Variants in AFF1 observed in about 807,000 individuals in gnomAD.
The protein encoded by AFF1 is AF4/FMR2 family member 1.
AFF1 carries 48 observed loss-of-function variants against 121.7 expected under a neutral mutation model. The observed-to-expected ratio is 0.39, with a 90% confidence interval of 0.31 to 0.50. The LOEUF is 0.50. Ranked by LOEUF, AFF1 falls within the 20% of genes least tolerant of loss-of-function variation. AFF1 has a pLI of 0.76. For missense variants in AFF1, 1,523 were observed against 1,511.7 expected, an observed-to-expected ratio of 1.01 and a Z score of -0.12; for synonymous variants, 613 against 563.0, an observed-to-expected ratio of 1.09 and a Z score of -1.26.
intron 8 of AFF1, among the ~76,000 whole-genome samples, chr4:87,096,687 A>G (rs1363986487): frequency 1.3e-5 from 2 of 152,102 alleles, no homozygotes; most frequent in Non-Finnish European, 2.9e-5. Context: ...AGCTAGGACT[A>G]CAGGCACAGG....
chr4:86,950,232 G>A (rs1721209943), intron 2 of AFF1: 1 of 950,066 alleles, frequency 1.1e-6, no homozygotes, highest in Non-Finnish European at 1.7e-6. Flanking sequence ...CGGCTGGAGT[G>A]CAGTGCCATG....
At chr4:86,955,251 A>C (rs1560499618) in intron 2 of AFF1, among the ~76,000 whole-genome samples, 1 of 152,202 alleles carries the variant, frequency 6.6e-6, no homozygotes, top group African/African-American at 2.4e-5. Context: ...CTAGGATTTT[A>C]TTTCTCCTCC....
intron 2 of AFF1, among the ~76,000 whole-genome samples, chr4:86,985,776 T>G (rs1387214245): frequency 6.6e-6 from 1 of 151,962 alleles, no homozygotes; most frequent in African/African-American, 2.4e-5. Context: ...AAAAAAATAA[T>G]AATAAAAGAA....
At chr4:87,041,666 GA>G (rs199904556) in intron 2 of AFF1, among the ~76,000 whole-genome samples, 9,789 of 144,920 alleles carry the variant, frequency 0.068, 663 homozygotes, top group African/African-American at 0.17. Flanking sequence ...CACAGGACTG[GA>G]AAAAAAAAAA....
At chr4:87,062,998 G>T (rs541504983) in intron 4 of AFF1, among the ~76,000 whole-genome samples, 5 of 152,212 alleles carry the variant, frequency 3.3e-5, no homozygotes, top group Admixed American at 1.3e-4. Context: ...TCTCGAGGCC[G>T]TTATAAGACA....
chr4:87,093,163 A>G (rs112606817), intron 7 of AFF1, among the ~76,000 whole-genome samples: 6 of 152,354 alleles, frequency 3.9e-5, no homozygotes, highest in Admixed American at 2.0e-4. Flanking sequence ...CTCTTGCCCT[A>G]TGCAGTAATG....
chr4:87,121,208 G>A (rs778490575), intron 12 of AFF1, among the ~76,000 whole-genome samples: 1 of 152,230 alleles, frequency 6.6e-6, no homozygotes, highest in South Asian at 2.1e-4. Context: ...AAGTGGGGAT[G>A]ACCTGGGGAT....
intron 4 of AFF1, among the ~76,000 whole-genome samples, chr4:87,083,044 A>G (rs1417522208): frequency 6.6e-6 from 1 of 152,228 alleles, no homozygotes; most frequent in Non-Finnish European, 1.5e-5. Context: ...TACTGTGCCC[A>G]TGATGCCTGG....
chr4:87,048,991 C>G (rs767757897), intron 4 of AFF1, among the ~76,000 whole-genome samples: 1 of 150,754 alleles, frequency 6.6e-6, no homozygotes, highest in Non-Finnish European at 1.5e-5. Flanking sequence ...AACAGTCACT[C>G]CCCCTGCCTT....
At chr4:86,981,044 G>C (rs933896618) in intron 2 of AFF1, among the ~76,000 whole-genome samples, 16 of 151,084 alleles carry the variant, frequency 1.1e-4, no homozygotes, top group Middle Eastern at 3.4e-3. Context: ...ACGGGGTCTC[G>C]CTCTGTCGCC....
intron 2 of AFF1, among the ~76,000 whole-genome samples, chr4:86,989,251 G>A (rs1280612258): frequency 1.3e-5 from 2 of 152,130 alleles, no homozygotes; most frequent in Admixed American, 6.6e-5. Context: ...TGAACAGGCA[G>A]TCTGCAGAAT....
At chr4:86,995,928 C>T (rs374024960) in intron 2 of AFF1, among the ~76,000 whole-genome samples, 5,702 of 151,386 alleles carry the variant, frequency 0.038, 149 homozygotes, top group African/African-American at 0.089. Context: ...CCTGCCGCCC[C>T]GTCCGGGATG....
chr4:87,021,657 A>G (rs1270938346), intron 2 of AFF1, among the ~76,000 whole-genome samples: 4 of 152,238 alleles, frequency 2.6e-5, no homozygotes, highest in African/African-American at 7.2e-5. Context: ...TTGTAAGTTA[A>G]TTGTAATTAA....
chr4:86,982,323 T>A (rs1311335500), intron 2 of AFF1, among the ~76,000 whole-genome samples: 1 of 151,584 alleles, frequency 6.6e-6, no homozygotes, highest in Non-Finnish European at 1.5e-5. Context: ...AGAAAAGATG[T>A]TCACATTGTG....
At chr4:87,114,296 G>T in intron 11 of AFF1, 71 bp from the exon 12 acceptor site, 1 of 1,365,980 alleles carries the variant, frequency 7.3e-7, no homozygotes, top group Non-Finnish European at 9.9e-7. Flanking sequence ...TGTATAATTG[G>T]GTGACTAACA....
At chr4:87,090,560 C>CT (rs992336026) in intron 6 of AFF1, among the ~76,000 whole-genome samples, 1 of 151,904 alleles carries the variant, frequency 6.6e-6, no homozygotes, top group Admixed American at 6.6e-5. Flanking sequence ...TGCCATTCTC[C>CT]TTTTTTTTAA....
rs1276662255 is a variant in AFF1, at chr4:86,935,034, C to T, written c.-243C>T. 6.6e-6 allele frequency: 1 copy of T among 151,872 alleles called. No homozygotes were observed. Among genetic ancestry groups the T allele is most frequent in the Non-Finnish European group, 1.5e-5 (1 of 67,930 alleles). The allele number at this position is 151,872 out of a possible 1,614,324, so 9.4% of individuals were successfully genotyped here. On this transcript the variant is annotated 5_prime_UTR_variant, in exon 1 of 21. Transcript: ENST00000395146. ...CCAGCCAGCTAGCGAGCGACGGGCG[C>T]GCGCGGCCCCTGCGCACTCGGCCGC...
At chr4:86,996,374 G>A (rs201068790) in intron 2 of AFF1, among the ~76,000 whole-genome samples, 3 of 151,172 alleles carry the variant, frequency 2.0e-5, no homozygotes, top group Non-Finnish European at 4.4e-5. Context: ...ATTTTGTTCT[G>A]TACTAAGAAA....
rs144461444 is a variant in AFF1, at chr4:87,046,964, G to C, written c.429G>C (p.Ala143=). The C allele has an allele frequency of 2.5e-6, 4 of 1,614,178 alleles. No homozygotes were observed. Among genetic ancestry groups the C allele is most frequent in the African/African-American group, 2.7e-5 (2 of 75,040 alleles). Residue 143 remains alanine (A), a synonymous_variant, in exon 4 of 21, where the codon GCG becomes GCC. Coordinates refer to ENST00000395146, the MANE Select transcript of AFF1 (RefSeq NM_001166693.3). ...ACATTAGCCACAATCCAAAGATGGC[G>C]CAGCCAAGAACTGAACCAATGCCAA... is the stretch of plus-strand genomic sequence containing the variant. The part of the protein sequence containing the change: ...VGNISHNPKM[A]QPRTEPMPSL...
Sources: gnomAD v4.1 joint callset for allele counts (sites outside exome capture counted in the v4.1 genomes callset) on GRCh38, gnomAD v4.1.1 for gene constraint, MANE v1.5 for transcripts, NCBI Gene and HGNC (gene_info 2026-07-23, HGNC 2026-07-21) for gene names.